BBX: variants seen among roughly 807,000 people sequenced by gnomAD.
The protein encoded by BBX is BBX high mobility group box domain containing, also known as HMG box transcription factor BBX.
Under a neutral mutation model 100.2 loss-of-function variants are expected in BBX, and 30 were observed. The observed-to-expected ratio is 0.30, with a 90% CI of 0.22 to 0.41. The LOEUF (loss-of-function observed/expected upper bound fraction) is 0.41, where lower values mean the gene tolerates loss of function less well. Among genes scored for constraint, BBX ranks in the 10% least tolerant of loss-of-function variants. The pLI is 1.00. For missense variants in BBX, 1,023 were observed against 1,129.8 expected (o/e 0.91, Z 1.35); for synonymous variants, 376 against 388.1 (o/e 0.97, Z 0.37).
intron 2 of BBX, among the ~76,000 whole-genome samples, chr3:107,541,840 A>T (rs1405375048): frequency 2.6e-5 from 4 of 150,984 alleles, no homozygotes; most frequent in South Asian, 2.1e-4. Flanking sequence ...TTTTTAAGAG[A>T]TGGAGTCTGG....
rs1021017417 is a variant in BBX at position 107,523,392 on chromosome 3, C to A, written c.-156+285C>A. Reference sequence around the variant, plus strand: ...GGGGCGAGGGTCGCGGCGGCCGCGCCGGCTGGGGCCGGGGGGCGGGGGGCG... The same window carrying A: ...GGGGCGAGGGTCGCGGCGGCCGCGCAGGCTGGGGCCGGGGGGCGGGGGGCG... On this transcript the variant is annotated intron_variant, in intron 1 of 17. Transcript: ENST00000325805. 1.6e-3 allele frequency: 242 copies of A among 152,060 alleles called. 1 individual carries two copies. The highest frequency in any genetic ancestry group is 2.6e-3 in the Non-Finnish European group (180 of 68,048). 9.4% of individuals were successfully genotyped at this position (152,060 alleles called of 1,614,324 possible).
At chr3:107,702,528 C>A (rs991730514) in intron 3 of BBX, among the ~76,000 whole-genome samples, 14 of 152,230 alleles carry the variant, frequency 9.2e-5, no homozygotes, top group African/African-American at 3.4e-4. Flanking sequence ...TTTCTATGTT[C>A]AATTCTCCAC....
chr3:107,652,613 G>C (rs1344623861), intron 3 of BBX, among the ~76,000 whole-genome samples: 2 of 152,164 alleles, frequency 1.3e-5, no homozygotes, highest in Non-Finnish European at 1.5e-5. Flanking sequence ...AGGACAGTAT[G>C]AATATATTCA....
chr3:107,542,687 C>T (rs1050639969), intron 2 of BBX, among the ~76,000 whole-genome samples: 2 of 152,194 alleles, frequency 1.3e-5, no homozygotes, highest in Non-Finnish European at 2.9e-5. Flanking sequence ...GAATGAGGTA[C>T]TGAGTTTCAG....
chr3:107,688,063 G>A (rs944884181), intron 3 of BBX, among the ~76,000 whole-genome samples: 1 of 151,938 alleles, frequency 6.6e-6, no homozygotes, highest in Non-Finnish European at 1.5e-5. Flanking sequence ...GAAAAAAAAA[G>A]AAGAAAAATA....
At chr3:107,695,616 C>G (rs2060532002) in intron 3 of BBX, among the ~76,000 whole-genome samples, 1 of 150,966 alleles carries the variant, frequency 6.6e-6, no homozygotes. Context: ...TTACTTCCAA[C>G]TATGTGATCA....
intron 15 of BBX, among the ~76,000 whole-genome samples, chr3:107,796,444 T>G (rs1369585776): frequency 6.6e-6 from 1 of 152,222 alleles, no homozygotes; most frequent in Non-Finnish European, 1.5e-5. Context: ...CTTTCTGGAA[T>G]GTCCATCCAC....
chr3:107,655,914 A>T (rs974012240), intron 3 of BBX, among the ~76,000 whole-genome samples: 3 of 151,886 alleles, frequency 2.0e-5, no homozygotes. Context: ...GTTAGCCAGG[A>T]TGGTCTCGAT....
At chr3:107,779,154 G>A (rs1201116876) in intron 13 of BBX, among the ~76,000 whole-genome samples, 1 of 151,304 alleles carries the variant, frequency 6.6e-6, no homozygotes, top group Non-Finnish European at 1.5e-5. Context: ...AGCATGACTT[G>A]GATGGATCTC....
At chr3:107,531,116 G>GA (rs2107305910) in intron 2 of BBX, among the ~76,000 whole-genome samples, 1 of 152,360 alleles carries the variant, frequency 6.6e-6, no homozygotes, top group South Asian at 2.1e-4. Flanking sequence ...ACAAAGGACA[G>GA]ATGGCCTAAG....
chr3:107,566,446 T>A (rs1450073445), intron 2 of BBX, among the ~76,000 whole-genome samples: 1 of 152,062 alleles, frequency 6.6e-6, no homozygotes, highest in African/African-American at 2.4e-5. Flanking sequence ...AAAGTGAACC[T>A]CAGCTAAAAT....
At chr3:107,538,803 T>C (rs546267779) in intron 2 of BBX, among the ~76,000 whole-genome samples, 1 of 151,550 alleles carries the variant, frequency 6.6e-6, no homozygotes, top group Admixed American at 6.6e-5. Context: ...TTTTTTTTTT[T>C]AGGCAAGGTC....
chr3:107,581,679 C>A (rs2052291051), intron 2 of BBX, among the ~76,000 whole-genome samples: 1 of 151,974 alleles, frequency 6.6e-6, no homozygotes, highest in Non-Finnish European at 1.5e-5. Context: ...TCGTTAGTGT[C>A]CTTGAATTGG....
rs543547100 is a variant in BBX at position 107,567,694 on chromosome 3, C to T, written c.-84+41296C>T. Reference sequence around the variant, plus strand: ...GGTTTTACTTTTTGGTTAGTCTGAACGTAACTCTGAATAGCCTGTTTATGT... The same window carrying T: ...GGTTTTACTTTTTGGTTAGTCTGAATGTAACTCTGAATAGCCTGTTTATGT... On this transcript the variant is annotated intron_variant, in intron 2 of 17. Coordinates refer to ENST00000325805, the MANE Select transcript of BBX (RefSeq NM_001142568.3). Among the ~76,000 whole-genome samples, 13 of 152,178 alleles carry T rather than the reference C, an allele frequency of 8.5e-5. No homozygotes were observed. In the South Asian group the frequency reaches 1.7e-3, roughly 19 times the overall value.
intron 2 of BBX, among the ~76,000 whole-genome samples, chr3:107,545,221 T>G (rs954539064): frequency 2.0e-5 from 3 of 152,238 alleles, no homozygotes; most frequent in Admixed American, 6.5e-5. Context: ...TAAAAAGCTT[T>G]TCTTTATTAG....
At chr3:107,554,127 T>C (rs1459446640) in intron 2 of BBX, among the ~76,000 whole-genome samples, 1 of 152,148 alleles carries the variant, frequency 6.6e-6, no homozygotes, top group Non-Finnish European at 1.5e-5. Flanking sequence ...GTAAAGGGAT[T>C]TGGGATCTAA....
At chr3:107,711,327 C>T (rs1231309543) in intron 4 of BBX, 1 of 471,108 alleles carries the variant, frequency 2.1e-6, no homozygotes. Flanking sequence ...CTCGTCCTTT[C>T]CTCTTGCCTC....
chr3:107,666,628 C>T (rs1025939664), intron 3 of BBX, among the ~76,000 whole-genome samples: 4 of 152,172 alleles, frequency 2.6e-5, no homozygotes, highest in African/African-American at 7.2e-5. Flanking sequence ...TGCAGTGGCG[C>T]GATCTCGGCT....
At chr3:107,724,292 AG>A (rs768352223) in intron 5 of BBX, among the ~76,000 whole-genome samples, 65 of 152,242 alleles carry the variant, frequency 4.3e-4, no homozygotes, top group Non-Finnish European at 8.4e-4. Flanking sequence ...AGTTCATTGT[AG>A]ATTCTGGATA....
Sources: gnomAD v4.1 joint callset for allele counts (sites outside exome capture counted in the v4.1 genomes callset) on GRCh38, gnomAD v4.1.1 for gene constraint, MANE v1.5 for transcripts, NCBI Gene and HGNC (gene_info 2026-07-23, HGNC 2026-07-21) for gene names.